Variants in TTC13 observed in about 807,000 individuals in gnomAD.
TTC13 encodes the protein tetratricopeptide repeat domain 13.
TTC13 carries 62 observed loss-of-function variants against 120.0 expected under a neutral mutation model. The observed-to-expected ratio is 0.52, with a 90% CI of 0.42 to 0.64. The LOEUF (loss-of-function observed/expected upper bound fraction) is 0.64, where lower values mean the gene tolerates loss of function less well. TTC13 is among the 30% of genes least tolerant of loss of function. The pLI is 0.00. For synonymous variants in TTC13, 384 were observed against 393.5 expected, an observed-to-expected ratio of 0.98 and a Z score of 0.28; for missense variants, 824 against 1,050.2, an observed-to-expected ratio of 0.78 and a Z score of 2.98.
chr1:230,906,254 AAACTGG>A lies in TTC13; in HGVS notation c.*645_*650del, dbSNP rs1670930552. ...AAACACATACATAATCCAATGCCAA[AAACTGG>A]TGATTTATAGAAATCACCCTGGTTT... On this transcript the variant is annotated 3_prime_UTR_variant, in exon 23 of 23. Transcript: ENST00000366661. 6.6e-6 allele frequency: 1 copy of A among 152,242 alleles called. No individual in the cohort carries two copies. Among genetic ancestry groups the A allele is most frequent in the Admixed American group, 6.5e-5 (1 of 15,280 alleles). 9.4% of individuals were successfully genotyped at this position (152,242 alleles called of 1,614,324 possible).
intron 20 of TTC13, among the ~76,000 whole-genome samples, chr1:230,909,924 G>A (rs774798238): frequency 3.3e-5 from 5 of 152,188 alleles, no homozygotes; most frequent in Admixed American, 1.3e-4. Flanking sequence ...AAGACGTTGT[G>A]CTTCTGCTCT....
At position 230,912,618 on chromosome 1, in the gene TTC13, C is replaced by T; in HGVS notation, c.2229+5G>A. On this transcript the variant is annotated splice_donor_5th_base_variant and intron_variant, in intron 19 of 22. Coordinates refer to ENST00000366661, the MANE Select transcript of TTC13 (RefSeq NM_024525.5). ...GCAGAAAAATGGAAACAAAGAGAAACCTACCCCAAATTCTGATGAAAGAAT... is the reference window on the plus strand; with the variant it reads ...GCAGAAAAATGGAAACAAAGAGAAATCTACCCCAAATTCTGATGAAAGAAT... 1.1e-5 allele frequency: 17 copies of T among 1,608,296 alleles called. No homozygotes were observed. The highest frequency in any genetic ancestry group is 1.4e-5 in the Non-Finnish European group (16 of 1,178,892).
At position 230,978,528 on chromosome 1, in the gene TTC13, G is replaced by T; in HGVS notation, c.271+32C>A. ...CCAGCCCCGCTGCCCCGCCGCCCCG[G>T]CCGACTCGGACGCCCGCCGCCGCCC... is the stretch of plus-strand genomic sequence containing the variant. On this transcript the variant is annotated intron_variant, in intron 1 of 22. Transcript: ENST00000366661. This position sits in a 1 kb window ranked among gnomAD's most constrained non-coding sequence, Gnocchi z 5.6. 1 of 741,730 alleles carries T rather than the reference G, an allele frequency of 1.3e-6. No homozygotes were observed. The highest frequency in any genetic ancestry group is 1.9e-6 in the Non-Finnish European group (1 of 534,812). 45.9% of individuals were successfully genotyped at this position (741,730 alleles called of 1,614,324 possible).
intron 7 of TTC13, among the ~76,000 whole-genome samples, chr1:230,939,746 A>G (rs753109581): frequency 2.0e-5 from 3 of 152,240 alleles, no homozygotes; most frequent in Non-Finnish European, 4.4e-5. Flanking sequence ...TCTCAACTAC[A>G]AAAAAATTTA....
chr1:230,929,218 A>G, intron 11 of TTC13, 125 bp from the exon 12 acceptor site: 1 of 1,020,342 alleles, frequency 9.8e-7, no homozygotes, highest in Non-Finnish European at 1.4e-6. Flanking sequence ...AAGAGTTTCT[A>G]AATTTTAGTA....
chr1:230,954,424 A>C, intron 3 of TTC13, 21 bp from the exon 4 acceptor site: 1 of 1,578,052 alleles, frequency 6.3e-7, no homozygotes, highest in Non-Finnish European at 8.7e-7. Flanking sequence ...AAATACAAAA[A>C]TATTAAAGGA....
rs1275409710 is a variant in TTC13, at chr1:230,968,224, A to AC, written c.272-6922_272-6921insG. On this transcript the variant is annotated intron_variant, in intron 1 of 22. Coordinates refer to ENST00000366661, the MANE Select transcript of TTC13 (RefSeq NM_024525.5). Reference sequence around the variant, plus strand: ...TTTGTTTTATTGTGGTTAAAAAAAAAACACACATCACATAAAAGCAATCGC... The same window carrying AC: ...TTTGTTTTATTGTGGTTAAAAAAAAACACACACATCACATAAAAGCAATCGC... Among the ~76,000 whole-genome samples the AC allele has an allele frequency of 1.1e-3, 165 of 151,712 alleles. 1 individual carries two copies. Among genetic ancestry groups the AC allele is most frequent in the Admixed American group, 1.5e-3 (23 of 15,220 alleles).
chr1:230,937,221 C>T (rs1674147686), intron 8 of TTC13, among the ~76,000 whole-genome samples: 1 of 152,214 alleles, frequency 6.6e-6, no homozygotes, highest in Non-Finnish European at 1.5e-5. Flanking sequence ...GAAAAATTCT[C>T]ATTTTCAAAT....
chr1:230,924,980 GA>G lies in TTC13; in HGVS notation c.1589-8del, dbSNP rs1672927839. Reference sequence around the variant, plus strand: ...AATGCGGCCAAACCCATAGCTACGAGAAAGGAATATCGAGAAGAGTTAGTAC... The same window carrying G: ...AATGCGGCCAAACCCATAGCTACGAGAAGGAATATCGAGAAGAGTTAGTAC... On this transcript the variant is annotated splice_region_variant and splice_polypyrimidine_tract_variant and intron_variant, in intron 13 of 22. Transcript: ENST00000366661. The G allele has an allele frequency of 6.2e-7, 1 of 1,613,998 alleles. No individual in the cohort carries two copies. Among genetic ancestry groups the G allele is most frequent in the Admixed American group, 1.7e-5 (1 of 60,002 alleles).
chr1:230,963,908 A>T (rs551028796), intron 1 of TTC13, among the ~76,000 whole-genome samples: 4 of 152,316 alleles, frequency 2.6e-5, no homozygotes, highest in Non-Finnish European at 4.4e-5. Flanking sequence ...GAAAGGCTTT[A>T]GTCCCACAAA....
intron 1 of TTC13, among the ~76,000 whole-genome samples, chr1:230,975,219 A>AG (rs554516149): frequency 1.4e-4 from 22 of 152,116 alleles, no homozygotes; most frequent in Non-Finnish European, 2.5e-4. Context: ...CAGAAAAAAA[A>AG]AAAAAATAGC....
At chr1:230,974,165 TAC>T (rs1460349984) in intron 1 of TTC13, among the ~76,000 whole-genome samples, 1 of 152,134 alleles carries the variant, frequency 6.6e-6, no homozygotes, top group East Asian at 1.9e-4. Context: ...GTAGCAGATC[TAC>T]AGAGTGTTGA....
At chr1:230,958,384 T>A in intron 2 of TTC13, 85 bp from the exon 3 acceptor site, 1 of 1,446,700 alleles carries the variant, frequency 6.9e-7, no homozygotes, top group Non-Finnish European at 9.2e-7. Flanking sequence ...TTTAAAAAAT[T>A]AAAATTAAGG....
In TTC13 at chr1:230,912,818, GAA is replaced by G. The variant is rs1671651022; in HGVS notation, c.2094-62_2094-61del. On this transcript the variant is annotated intron_variant, in intron 18 of 22. Coordinates refer to ENST00000366661, the MANE Select transcript of TTC13 (RefSeq NM_024525.5). ...TTATAAGTTCAAACAGCCAAACACA[GAA>G]AGTTTTTTTTAAAAAGCAAATAGCA... 7 of 1,533,354 alleles carry G rather than the reference GAA, an allele frequency of 4.6e-6. No homozygotes were observed. In the East Asian group the frequency reaches 1.6e-4, roughly 35 times the overall value. The allele number at this position is 1,533,354 out of a possible 1,614,324, so 95.0% of individuals were successfully genotyped here. A position where few individuals can be genotyped will look rare whatever the true frequency, so the allele number is the denominator to read the frequency against.
In TTC13 at chr1:230,920,520, G is replaced by T; in HGVS notation, c.1973C>A (p.Pro658Gln). ...EKVHKVEDLL[P>Q]IMKQFNTKTK... ...TGATGCTAAAGTTACCTTCATAATC[G>T]GAAGAAGGTCTTCTACTTTGTGTAC... is the stretch of plus-strand genomic sequence containing the variant. The change falls in exon 17 of 23, where the codon CCG (proline) becomes CAG (glutamine). Residue 658 changes from proline to glutamine, a missense_variant. Pro to Gln is a moderately conservative substitution (Grantham distance 76). Coordinates refer to ENST00000366661, the MANE Select transcript of TTC13 (RefSeq NM_024525.5). 3 of 1,610,332 alleles carry T rather than the reference G, an allele frequency of 1.9e-6. No homozygotes were observed. The highest frequency in any genetic ancestry group is 2.5e-6 in the Non-Finnish European group (3 of 1,177,758).
At chr1:230,951,787 A>G (rs1675611515) in intron 4 of TTC13, among the ~76,000 whole-genome samples, 1 of 152,126 alleles carries the variant, frequency 6.6e-6, no homozygotes, top group Non-Finnish European at 1.5e-5. Context: ...TTTAGAGAAT[A>G]ATCATGTGTG....
intron 12 of TTC13, among the ~76,000 whole-genome samples, 189 bp downstream of exon 12, chr1:230,928,748 T>C (rs1004166880): frequency 3.3e-5 from 5 of 152,158 alleles, no homozygotes; most frequent in Admixed American, 6.5e-5. Flanking sequence ...AGATGGGGTC[T>C]TTGCTGTGTT....
intron 1 of TTC13, among the ~76,000 whole-genome samples, chr1:230,974,686 T>C (rs1361225265): frequency 6.6e-6 from 1 of 152,198 alleles, no homozygotes; most frequent in Non-Finnish European, 1.5e-5. Context: ...ACTGTACTTA[T>C]TTCTTCCCTC....
At chr1:230,943,335 A>G (rs1398494884) in intron 6 of TTC13, among the ~76,000 whole-genome samples, 1 of 152,068 alleles carries the variant, frequency 6.6e-6, no homozygotes, top group African/African-American at 2.4e-5. Context: ...ACCAACCCAA[A>G]TGTCCAACAA....
Sources: gnomAD v4.1 joint callset for allele counts (sites outside exome capture counted in the v4.1 genomes callset) on GRCh38, gnomAD v4.1.1 for gene constraint, Gnocchi (gnomAD v3.1) non-coding constraint, MANE v1.5 for transcripts, NCBI Gene and HGNC (gene_info 2026-07-23, HGNC 2026-07-21) for gene names.